DTNA: variants seen among roughly 807,000 people sequenced by gnomAD.
DTNA encodes the protein dystrobrevin alpha.
A neutral mutation model predicts 100.7 loss-of-function variants in DTNA; 43 were observed. The observed-to-expected ratio is 0.43, with a 90% CI of 0.33 to 0.55. The LOEUF (loss-of-function observed/expected upper bound fraction) is 0.55. Ranked by LOEUF, DTNA falls within the 20% of genes least tolerant of loss-of-function variation. The probability of loss-of-function intolerance (pLI) is 0.04; values close to 1 mark genes in which losing one functional copy is unlikely to be tolerated. For synonymous variants in DTNA, 349 were observed against 347.9 expected (o/e 1.00, Z -0.04); for missense variants, 798 against 953.9 (o/e 0.84, Z 2.15).
chr18:34,778,834 T>A (rs2094183965), intron 3 of DTNA, among the ~76,000 whole-genome samples: 1 of 151,896 alleles, frequency 6.6e-6, no homozygotes, highest in African/African-American at 2.4e-5. Flanking sequence ...TGTTGTTGTT[T>A]TGAGACAGAG....
chr18:34,748,841 AC>A (rs200189820), intron 1 of DTNA, among the ~76,000 whole-genome samples: 2,015 of 152,306 alleles, frequency 0.013, 26 homozygotes, highest in Non-Finnish European at 0.021. Flanking sequence ...TATGCAAAGA[AC>A]AATGATGGTA....
At chr18:34,722,499 A>G (rs1383783222) in intron 1 of DTNA, among the ~76,000 whole-genome samples, 1 of 152,172 alleles carries the variant, frequency 6.6e-6, no homozygotes, top group Non-Finnish European at 1.5e-5. Context: ...ATAAGGATTA[A>G]TAGAAAATAT....
chr18:34,856,057 A>G (rs1345324926), intron 15 of DTNA, among the ~76,000 whole-genome samples: 3 of 152,078 alleles, frequency 2.0e-5, no homozygotes, highest in African/African-American at 7.2e-5. Context: ...TTTGGATCGC[A>G]CTCTCTAAAT....
At chr18:34,829,365 A>G (rs761891103) in intron 10 of DTNA, 35 bp from the exon 11 acceptor site, 4 of 1,534,738 alleles carry the variant, frequency 2.6e-6, no homozygotes, top group Non-Finnish European at 3.5e-6. Flanking sequence ...GTCCATGGGA[A>G]GTTTTAATGA....
intron 1 of DTNA, among the ~76,000 whole-genome samples, chr18:34,503,207 A>G (rs978041790): frequency 1.4e-5 from 2 of 147,350 alleles, no homozygotes; most frequent in African/African-American, 5.0e-5. Flanking sequence ...CTCTTTTTCC[A>G]TCCTTGTACT....
At chr18:34,716,241 C>T (rs1353383820) in intron 1 of DTNA, among the ~76,000 whole-genome samples, 2 of 152,112 alleles carry the variant, frequency 1.3e-5, no homozygotes, top group Non-Finnish European at 2.9e-5. Context: ...CACATGAGCT[C>T]GTATTTCCTC....
chr18:34,707,072 A>G (rs1241400221), upstream of DTNA, among the ~76,000 whole-genome samples: 2 of 152,120 alleles, frequency 1.3e-5, no homozygotes, highest in African/African-American at 2.4e-5. Flanking sequence ...GCTTGTTTTA[A>G]TTTCATTAAC....
chr18:34,582,900 A>G (rs17636667), intron 1 of DTNA, among the ~76,000 whole-genome samples: 10,048 of 152,264 alleles, frequency 0.066, 392 homozygotes, highest in African/African-American at 0.078. Context: ...ACGAATCATC[A>G]TGACAACTTG....
intron 1 of DTNA, among the ~76,000 whole-genome samples, chr18:34,654,850 C>A (rs1400180169): frequency 6.6e-6 from 1 of 152,002 alleles, no homozygotes; most frequent in Non-Finnish European, 1.5e-5. Context: ...CCTCAGCCTC[C>A]CAAGTAGCTG....
At chr18:34,861,156 A>C (rs1208030035) in intron 16 of DTNA, among the ~76,000 whole-genome samples, 1 of 152,134 alleles carries the variant, frequency 6.6e-6, no homozygotes, top group Non-Finnish European at 1.5e-5. Flanking sequence ...CCATATTAAA[A>C]TTTTGACAAT....
intron 2 of DTNA, chr18:34,759,905 A>C (rs1245757847): frequency 6.6e-6 from 1 of 152,130 alleles, no homozygotes; most frequent in Non-Finnish European, 1.5e-5. Flanking sequence ...GCTGGTCTCA[A>C]ACTTCTGATC....
chr18:34,728,104 A>T (rs1180275989), intron 1 of DTNA, among the ~76,000 whole-genome samples: 1 of 152,226 alleles, frequency 6.6e-6, no homozygotes, highest in Non-Finnish European at 1.5e-5. Flanking sequence ...TGTGATATTA[A>T]GTTAAAAGTG....
intron 2 of DTNA, among the ~76,000 whole-genome samples, chr18:34,758,771 A>G (rs185195713): frequency 6.6e-6 from 1 of 152,328 alleles, no homozygotes; most frequent in Admixed American, 6.5e-5. Flanking sequence ...AAGAAAACAG[A>G]GGTCAGAAGC....
chr18:34,741,405 C>A (rs1315303536), intron 1 of DTNA, among the ~76,000 whole-genome samples: 1 of 152,102 alleles, frequency 6.6e-6, no homozygotes, highest in Non-Finnish European at 1.5e-5. Context: ...TCAAAATAAT[C>A]TTTGCTATAT....
chr18:34,718,453 G>T (rs12965070), intron 1 of DTNA, among the ~76,000 whole-genome samples: 8,738 of 152,194 alleles, frequency 0.057, 337 homozygotes, highest in Non-Finnish European at 0.081. Context: ...TATGATTTGG[G>T]TACATTATTC....
At chr18:34,727,563 G>A (rs1480431) in intron 1 of DTNA, among the ~76,000 whole-genome samples, 5,444 of 152,108 alleles carry the variant, frequency 0.036, 310 homozygotes, top group African/African-American at 0.12. Flanking sequence ...CATTTAAAAT[G>A]TCCTTTTTTT....
At chr18:34,838,863 T>A in intron 13 of DTNA, 26 bp downstream of exon 13, 1 of 1,601,932 alleles carries the variant, frequency 6.2e-7, no homozygotes, top group Non-Finnish European at 8.6e-7. Context: ...GCTGCTTGAC[T>A]GTCCTTAGAG....
intron 16 of DTNA, among the ~76,000 whole-genome samples, chr18:34,860,968 T>A (rs1052673535): frequency 3.9e-5 from 6 of 152,148 alleles, no homozygotes; most frequent in African/African-American, 1.4e-4. Context: ...TTTCACTTAG[T>A]GTATATATTT....
chr18:34,889,643 A>G lies in DTNA; in HGVS notation c.*1909A>G. The G allele has an allele frequency of 1.0e-6, 1 of 985,730 alleles. No homozygotes were observed. The highest frequency in any genetic ancestry group is 1.2e-6 in the Non-Finnish European group (1 of 829,952). The allele number at this position is 985,730 out of a possible 1,614,324, so 61.1% of individuals were successfully genotyped here. ...TTCACATGTCTGCGTTTGGTCAGAC[A>G]TCATCTCCTTGGCTGCCCTTTGAAA... On this transcript the variant is annotated 3_prime_UTR_variant, in exon 23 of 23. Coordinates refer to ENST00000444659, the MANE Select transcript of DTNA (RefSeq NM_001386795.1).
Sources: gnomAD v4.1 joint callset for allele counts (sites outside exome capture counted in the v4.1 genomes callset) on GRCh38, gnomAD v4.1.1 for gene constraint, MANE v1.5 for transcripts, NCBI Gene and HGNC (gene_info 2026-07-23, HGNC 2026-07-21) for gene names.